The following SPAG16 variants were observed in gnomAD, a reference collection of about 807,000 sequenced individuals.
SPAG16 encodes sperm associated antigen 16.
In SPAG16, 86 loss-of-function variants were observed where a neutral mutation model predicts 80.4. That is an observed-to-expected ratio of 1.07 (90% CI 0.90 to 1.28). The LOEUF (loss-of-function observed/expected upper bound fraction) is 1.28, where lower values mean the gene tolerates loss of function less well. Among genes scored for constraint, SPAG16 ranks in the 50% most tolerant of loss-of-function variants. The pLI is 0.00. For synonymous variants in SPAG16, 294 were observed against 265.9 expected (o/e 1.11, Z -1.03); for missense variants, 870 against 765.3 (o/e 1.14, Z -1.61).
intron 14 of SPAG16, among the ~76,000 whole-genome samples, chr2:214,145,401 A>G (rs114048866): frequency 0.023 from 3,490 of 152,186 alleles, 65 homozygotes; most frequent in Middle Eastern, 0.082. Context: ...GTTTTTTCAT[A>G]ATACATTTTT....
chr2:213,819,958 T>TA (rs1553637884), intron 10 of SPAG16, among the ~76,000 whole-genome samples: 6 of 150,704 alleles, frequency 4.0e-5, no homozygotes, highest in African/African-American at 1.2e-4. Flanking sequence ...TTTTTTTTTT[T>TA]AGTAGAGACG....
intron 10 of SPAG16, among the ~76,000 whole-genome samples, chr2:213,731,043 A>G (rs2067008109): frequency 6.7e-6 from 1 of 149,694 alleles, no homozygotes; most frequent in South Asian, 2.1e-4. Flanking sequence ...TGCTTACATT[A>G]TCCTTCTATT....
chr2:213,645,370 G>A (rs1177333986), intron 10 of SPAG16, among the ~76,000 whole-genome samples: 2 of 152,014 alleles, frequency 1.3e-5, no homozygotes, highest in Non-Finnish European at 2.9e-5. Flanking sequence ...TGGTACCTGA[G>A]GCCAGCAAGT....
intron 12 of SPAG16, among the ~76,000 whole-genome samples, chr2:213,988,353 T>C (rs938817203): frequency 3.3e-5 from 5 of 152,060 alleles, no homozygotes; most frequent in African/African-American, 9.7e-5. Flanking sequence ...TCTTGGGCCA[T>C]AAAACAAGAT....
chr2:214,124,195 A>C (rs1450016244), intron 14 of SPAG16, among the ~76,000 whole-genome samples: 2 of 152,094 alleles, frequency 1.3e-5, no homozygotes, highest in Non-Finnish European at 2.9e-5. Context: ...TTTGAAATTT[A>C]ATATACTTTG....
At chr2:213,856,638 A>C (rs577260892) in intron 10 of SPAG16, among the ~76,000 whole-genome samples, 1 of 152,202 alleles carries the variant, frequency 6.6e-6, no homozygotes, top group African/African-American at 2.4e-5. Context: ...CTGATCCCCC[A>C]CAGGCCCAAC....
chr2:213,932,853 CA>C (rs796166568), intron 12 of SPAG16, among the ~76,000 whole-genome samples: 33 of 152,152 alleles, frequency 2.2e-4, no homozygotes, highest in African/African-American at 7.5e-4. Context: ...CCATACTCTA[CA>C]AGGTTTCTGT....
chr2:213,770,728 C>CCTGTGTTAGTTTG (rs1286920964), intron 10 of SPAG16, among the ~76,000 whole-genome samples: 5 of 152,132 alleles, frequency 3.3e-5, no homozygotes, highest in Non-Finnish European at 1.5e-5. Context: ...GTCTTCTGTT[C>CCTGTGTTAGTTTG]CTGTGTTAGT....
chr2:213,428,257 T>G (rs1247578329), intron 9 of SPAG16, among the ~76,000 whole-genome samples: 1 of 152,144 alleles, frequency 6.6e-6, no homozygotes, highest in African/African-American at 2.4e-5. Flanking sequence ...AAAGTACTCC[T>G]CTGCAATCCA....
At chr2:213,499,836 A>G (rs1437898947) in intron 10 of SPAG16, among the ~76,000 whole-genome samples, 35 of 151,772 alleles carry the variant, frequency 2.3e-4, no homozygotes, top group Admixed American at 2.3e-3. Context: ...TAGGTTTCTT[A>G]CTCTTGCTTG....
chr2:214,018,755 AT>A (rs2047713496), intron 13 of SPAG16, among the ~76,000 whole-genome samples: 1 of 152,132 alleles, frequency 6.6e-6, no homozygotes, highest in Non-Finnish European at 1.5e-5. Context: ...CCTCTGAAAT[AT>A]TTTTTGATGA....
chr2:213,729,196 T>C (rs2066919774), intron 10 of SPAG16, among the ~76,000 whole-genome samples: 1 of 152,184 alleles, frequency 6.6e-6, no homozygotes, highest in Non-Finnish European at 1.5e-5. Flanking sequence ...AATTTTTTAA[T>C]AGACAATATC....
intron 13 of SPAG16, among the ~76,000 whole-genome samples, chr2:214,073,239 T>C (rs2050888355): frequency 6.6e-6 from 1 of 151,190 alleles, no homozygotes; most frequent in Admixed American, 6.6e-5. Context: ...TTTCTTTTTT[T>C]TTTTTTCTTT....
chr2:214,354,783 T>C (rs1451362656), intron 15 of SPAG16, among the ~76,000 whole-genome samples: 2 of 152,278 alleles, frequency 1.3e-5, no homozygotes, highest in East Asian at 1.9e-4. Flanking sequence ...AGTTCACTCA[T>C]GATCTGGCTC....
At position 214,174,249 on chromosome 2, in the gene SPAG16, G is replaced by A. The variant is rs371156127; in HGVS notation, c.1720+24983G>A. On this transcript the variant is annotated intron_variant, in intron 15 of 15. Transcript: ENST00000331683. ...GGCCAGGGCAATTAGACAGGAGAAG[G>A]AAATAAAGGGTATTCAATTAGGAAA... 5.3e-5 allele frequency among the ~76,000 whole-genome samples: 8 copies of A among 152,024 alleles called. No homozygotes were observed. The South Asian group carries it at 1.5e-3, about 28-fold the overall frequency.
chr2:213,359,368 C>T (rs538764628), intron 7 of SPAG16, among the ~76,000 whole-genome samples: 1 of 152,182 alleles, frequency 6.6e-6, no homozygotes, highest in Admixed American at 6.6e-5. Flanking sequence ...TTCAGCTATG[C>T]CCTGCCCACA....
At chr2:214,186,681 A>G (rs774448267) in intron 15 of SPAG16, among the ~76,000 whole-genome samples, 6 of 152,152 alleles carry the variant, frequency 3.9e-5, no homozygotes, top group African/African-American at 9.7e-5. Flanking sequence ...GTACACTACA[A>G]ATTGTCAAAA....
chr2:213,991,140 C>T (rs2046260451), intron 12 of SPAG16, among the ~76,000 whole-genome samples: 1 of 152,072 alleles, frequency 6.6e-6, no homozygotes, highest in African/African-American at 2.4e-5. Flanking sequence ...TCTCCTAATG[C>T]TATCTCTCCC....
At chr2:213,555,128 T>C (rs2059387348) in intron 10 of SPAG16, among the ~76,000 whole-genome samples, 1 of 152,110 alleles carries the variant, frequency 6.6e-6, no homozygotes, top group African/African-American at 2.4e-5. Flanking sequence ...CCAATAAGAC[T>C]AGCAGTGCAC....
Sources: allele counts gnomAD v4.1 joint callset (sites outside exome capture counted in the v4.1 genomes callset), GRCh38; gene constraint gnomAD v4.1.1; transcripts MANE v1.5; gene names NCBI Gene and HGNC (gene_info 2026-07-23, HGNC 2026-07-21).